Variants in ALK observed in about 807,000 individuals in gnomAD.
ALK encodes ALK receptor tyrosine kinase.
In ALK, 74 loss-of-function variants were observed where a neutral mutation model predicts 163.1. The ratio of observed to expected loss-of-function variants is 0.45; its 90% CI spans 0.38 to 0.55. ALK has a LOEUF of 0.55. Among genes scored for constraint, ALK ranks in the 20% least tolerant of loss-of-function variants. The pLI, the probability that ALK is intolerant of heterozygous loss-of-function variation, is 0.00. For missense variants in ALK, 2,063 were observed against 2,105.3 expected (o/e 0.98, Z 0.39); for synonymous variants, 960 against 843.2 (o/e 1.14, Z -2.40).
chr2:29,693,104 G>C (rs1261490819), intron 3 of ALK, among the ~76,000 whole-genome samples: 2 of 152,038 alleles, frequency 1.3e-5, no homozygotes. Flanking sequence ...CTTGGAGGGT[G>C]GGGAAAAGTT....
At chr2:29,592,305 G>C (rs1454167645) in intron 3 of ALK, among the ~76,000 whole-genome samples, 1 of 152,154 alleles carries the variant, frequency 6.6e-6, no homozygotes, top group Admixed American at 6.5e-5. Flanking sequence ...ACTCCGAGGA[G>C]CTGGTCACAA....
At chr2:29,749,410 C>T (rs1165920784) in intron 1 of ALK, among the ~76,000 whole-genome samples, 3 of 152,228 alleles carry the variant, frequency 2.0e-5, no homozygotes, top group African/African-American at 7.2e-5. Context: ...AACAGCACTT[C>T]AGTTGCTAAG....
chr2:29,328,269 C>T, intron 6 of ALK, 81 bp downstream of exon 6: 3 of 1,606,584 alleles, frequency 1.9e-6, no homozygotes, highest in East Asian at 2.2e-5. Context: ...TGTCCATGCT[C>T]TCATGCCTGG....
At chr2:29,858,578 C>CA (rs541691258) in intron 1 of ALK, among the ~76,000 whole-genome samples, 1,565 of 130,528 alleles carry the variant, frequency 0.012, 7 homozygotes, top group Admixed American at 0.018. Flanking sequence ...ACTAAAAATA[C>CA]AAAAAAAAAA....
intron 4 of ALK, among the ~76,000 whole-genome samples, chr2:29,468,637 C>T (rs1217841228): frequency 6.6e-6 from 1 of 151,638 alleles, no homozygotes; most frequent in Admixed American, 6.6e-5. Flanking sequence ...TTGTTTGAGC[C>T]CAGGGGTTCA....
intron 13 of ALK, among the ~76,000 whole-genome samples, chr2:29,234,597 C>T (rs1664319233): frequency 6.6e-6 from 1 of 152,112 alleles, no homozygotes; most frequent in South Asian, 2.1e-4. Context: ...ATTCTCCACC[C>T]ACCCTGGGAA....
At chr2:29,575,763 A>G (rs1159371633) in intron 3 of ALK, among the ~76,000 whole-genome samples, 2 of 152,134 alleles carry the variant, frequency 1.3e-5, no homozygotes, top group Non-Finnish European at 2.9e-5. Flanking sequence ...AGTCCTTTGG[A>G]AAGTTTCTAA....
intron 3 of ALK, among the ~76,000 whole-genome samples, chr2:29,580,079 G>C (rs747167194): frequency 4.6e-5 from 7 of 152,116 alleles, no homozygotes; most frequent in Non-Finnish European, 1.0e-4. Context: ...ACCCAGCACA[G>C]TGGCATTTTC....
intron 8 of ALK, among the ~76,000 whole-genome samples, chr2:29,309,579 G>T (rs991092513): frequency 1.3e-5 from 2 of 152,206 alleles, no homozygotes; most frequent in African/African-American, 4.8e-5. Context: ...GTGATAGAAT[G>T]CTGGGCTCCA....
chr2:29,371,830 C>G (rs933550669), intron 5 of ALK, among the ~76,000 whole-genome samples: 2 of 152,088 alleles, frequency 1.3e-5, no homozygotes, highest in East Asian at 1.9e-4. Flanking sequence ...GCTGGTGATC[C>G]CAGGCCTGGC....
chr2:29,343,384 A>G (rs1235156357), intron 5 of ALK, among the ~76,000 whole-genome samples: 2 of 150,656 alleles, frequency 1.3e-5, no homozygotes. Context: ...AAGTAAAAAA[A>G]AAAAAAAAAA....
chr2:29,898,789 C>T (rs903030466), intron 1 of ALK, among the ~76,000 whole-genome samples: 6 of 151,960 alleles, frequency 3.9e-5, no homozygotes, highest in Admixed American at 6.6e-5. Flanking sequence ...CAGATGGCAC[C>T]GAAGTTTACA....
At chr2:29,643,839 G>A (rs759450771) in intron 3 of ALK, among the ~76,000 whole-genome samples, 3 of 152,154 alleles carry the variant, frequency 2.0e-5, no homozygotes, top group Non-Finnish European at 4.4e-5. Flanking sequence ...AGTCAGTGTG[G>A]CAATTCCTCA....
At chr2:29,194,827 C>T (rs1668983949) in intron 28 of ALK, among the ~76,000 whole-genome samples, 1 of 152,026 alleles carries the variant, frequency 6.6e-6, no homozygotes, top group Non-Finnish European at 1.5e-5. Flanking sequence ...TGTGAGGGAC[C>T]CTTTGCACAA....
intron 3 of ALK, among the ~76,000 whole-genome samples, chr2:29,636,329 TAAAG>T (rs1318707877): frequency 1.4e-3 from 177 of 130,378 alleles, no homozygotes; most frequent in African/African-American, 5.1e-3. Flanking sequence ...AGGCCAAAAA[TAAAG>T]AAAGAAAGAA....
chr2:29,622,854 T>G (rs1192875552), intron 3 of ALK, among the ~76,000 whole-genome samples: 1 of 152,112 alleles, frequency 6.6e-6, no homozygotes, highest in African/African-American at 2.4e-5. Flanking sequence ...CTTCCTGACT[T>G]CCCAAAGTAG....
At chr2:29,269,940 C>T (rs1055050503) in intron 11 of ALK, among the ~76,000 whole-genome samples, 4 of 152,180 alleles carry the variant, frequency 2.6e-5, no homozygotes, top group Admixed American at 1.3e-4. Flanking sequence ...CCTGGGGCAC[C>T]GTCTTGAATG....
intron 26 of ALK, among the ~76,000 whole-genome samples, chr2:29,198,851 G>C (rs1339596182): frequency 6.6e-6 from 1 of 151,864 alleles, no homozygotes; most frequent in African/African-American, 2.4e-5. Context: ...TTATCTGCTG[G>C]GACAAATTGG....
At chr2:29,867,362 A>G (rs1006270123) in intron 1 of ALK, among the ~76,000 whole-genome samples, 1 of 152,206 alleles carries the variant, frequency 6.6e-6, no homozygotes, top group Admixed American at 6.5e-5. Context: ...CATAACCAAA[A>G]TAGTCATTTG....
Sources: allele counts gnomAD v4.1 joint callset (sites outside exome capture counted in the v4.1 genomes callset), GRCh38; gene constraint gnomAD v4.1.1; transcripts MANE v1.5; gene names NCBI Gene and HGNC (gene_info 2026-07-23, HGNC 2026-07-21).